The following FAM110B variants were observed in gnomAD, a reference collection of about 807,000 sequenced individuals.
FAM110B encodes the protein protein FAM110B.
In FAM110B, 6 loss-of-function variants were observed where a neutral mutation model predicts 20.4. That is an observed-to-expected ratio of 0.29 (90% CI 0.16 to 0.58). The LOEUF (loss-of-function observed/expected upper bound fraction) is 0.58. Among genes scored for constraint, FAM110B ranks in the 20% least tolerant of loss-of-function variants. The pLI is 0.90. For synonymous variants in FAM110B, 226 were observed against 214.1 expected, an observed-to-expected ratio of 1.06 and a Z score of -0.49; for missense variants, 434 against 498.2, an observed-to-expected ratio of 0.87 and a Z score of 1.23.
intron 2 of FAM110B, among the ~76,000 whole-genome samples, chr8:58,056,375 G>T (rs1805548809): frequency 6.6e-6 from 1 of 152,114 alleles, no homozygotes; most frequent in South Asian, 2.1e-4. Context: ...GCTTTCTAGT[G>T]CCATTTCAAT....
intron 2 of FAM110B, among the ~76,000 whole-genome samples, chr8:58,041,852 C>T (rs1219468140): frequency 1.3e-5 from 2 of 152,212 alleles, no homozygotes; most frequent in African/African-American, 2.4e-5. Context: ...ACTTAACTGG[C>T]AGATGGTTGA....
intron 3 of FAM110B, among the ~76,000 whole-genome samples, chr8:58,084,831 G>C (rs1246372847): frequency 3.3e-5 from 5 of 152,128 alleles, no homozygotes; most frequent in Admixed American, 3.3e-4. Context: ...GCTGCTGTCA[G>C]GTGCCAGCAG....
chr8:58,008,001 G>A (rs1044349263), intron 1 of FAM110B, among the ~76,000 whole-genome samples: 8 of 151,984 alleles, frequency 5.3e-5, no homozygotes, highest in African/African-American at 7.3e-5. Context: ...TAAATTTCTC[G>A]TGCCTAAAAT....
intron 3 of FAM110B, chr8:58,113,546 G>A (rs566536010): frequency 1.4e-4 from 26 of 180,408 alleles, no homozygotes; most frequent in South Asian, 6.4e-4. Context: ...ATCTTCCTGC[G>A]AATGTGGAAA....
intron 2 of FAM110B, chr8:58,070,176 G>T (rs542064495): frequency 1.3e-5 from 2 of 152,262 alleles, no homozygotes; most frequent in African/African-American, 2.4e-5. Flanking sequence ...CTGCTCGCCC[G>T]TGTGATAGGT....
In FAM110B at chr8:58,091,191, C is replaced by G. The variant is rs138372399; in HGVS notation, c.-325+15568C>G. ...ACAAGATGAGGGCATTTTCATACTC[C>G]TCTCTTCAGCTGGGAGTATGTTTTA... On this transcript the variant is annotated intron_variant, in intron 3 of 3. Transcript: ENST00000519262. 5.3e-4 allele frequency among the ~76,000 whole-genome samples: 81 copies of G among 152,318 alleles called. 1 individual carries two copies. Among genetic ancestry groups the G allele is most frequent in the Non-Finnish European group, 1.1e-3 (73 of 68,040 alleles).
intron 1 of FAM110B, among the ~76,000 whole-genome samples, chr8:58,012,936 G>T (rs1804568129): frequency 6.6e-6 from 1 of 152,116 alleles, no homozygotes; most frequent in South Asian, 2.1e-4. Context: ...AGCTTGGCAA[G>T]GTGAAGTGAG....
chr8:58,020,571 T>C (rs1051822279), intron 1 of FAM110B, among the ~76,000 whole-genome samples: 1 of 152,226 alleles, frequency 6.6e-6, no homozygotes, highest in Non-Finnish European at 1.5e-5. Context: ...AACAAGTCCG[T>C]GTTAGTATTT....
chr8:58,138,391 T>A (rs1051908071), intron 3 of FAM110B, among the ~76,000 whole-genome samples: 2 of 152,180 alleles, frequency 1.3e-5, no homozygotes, highest in South Asian at 2.1e-4. Flanking sequence ...TTTGTGCCTG[T>A]GGAAAGGCAG....
intron 3 of FAM110B, among the ~76,000 whole-genome samples, chr8:58,141,193 A>G (rs938058614): frequency 6.6e-6 from 1 of 152,248 alleles, no homozygotes; most frequent in Non-Finnish European, 1.5e-5. Context: ...AAAGTTAGTA[A>G]GCACAAATAC....
intron 3 of FAM110B, among the ~76,000 whole-genome samples, chr8:58,125,628 CA>C (rs1807479958): frequency 6.6e-6 from 1 of 151,984 alleles, no homozygotes; most frequent in South Asian, 2.1e-4. Context: ...ATTTTTAGGC[CA>C]AAGTTTGACC....
chr8:58,067,413 T>C (rs1805795015), intron 2 of FAM110B, among the ~76,000 whole-genome samples: 1 of 152,178 alleles, frequency 6.6e-6, no homozygotes, highest in Non-Finnish European at 1.5e-5. Context: ...TCAGGGAGCT[T>C]GAGCCAAACA....
At chr8:58,049,917 T>A (rs1362306842) in intron 2 of FAM110B, among the ~76,000 whole-genome samples, 4 of 152,202 alleles carry the variant, frequency 2.6e-5, no homozygotes, top group Non-Finnish European at 5.9e-5. Context: ...TTACAAAGGA[T>A]CCTGTATACA....
At position 58,146,636 on chromosome 8, in the gene FAM110B, G is replaced by C; in HGVS notation, c.406G>C (p.Gly136Arg). Residue 136 changes from glycine (G) to arginine (R), a missense_variant, in exon 4 of 4, where the codon GGG becomes CGG. This residue lies in a region of FAM110B where 284 missense variants were observed against 278.3 expected (regional missense o/e 1.02). Coordinates refer to ENST00000519262, the MANE Select transcript of FAM110B (RefSeq NM_001377989.1). ...NSSEGSSSGSGHKHSSRNWPP... is the reference protein window; with the variant it reads ...NSSEGSSSGSRHKHSSRNWPP... ...CTCCGAGGGCTCTAGCTCGGGCTCG[G>C]GGCACAAGCACAGCTCCCGCAACTG... 6.2e-7 allele frequency: 1 copy of C among 1,613,680 alleles called. No individual in the cohort carries two copies. The highest frequency in any genetic ancestry group is 8.5e-7 in the Non-Finnish European group (1 of 1,179,828).
In FAM110B at chr8:58,075,590, C is replaced by T. The variant is rs1231413361; in HGVS notation, c.-358C>T. Reference sequence around the variant, plus strand: ...AAGGACAGCATTCCTGTGACCTCTGCCTACCATCCATAAAATACTCATTCC... The same window carrying T: ...AAGGACAGCATTCCTGTGACCTCTGTCTACCATCCATAAAATACTCATTCC... On this transcript the variant is annotated 5_prime_UTR_variant, in exon 3 of 4. Transcript: ENST00000519262. 2 of 152,104 alleles carry T rather than the reference C, an allele frequency of 1.3e-5. No individual in the cohort carries two copies. Among genetic ancestry groups the T allele is most frequent in the Non-Finnish European group, 2.9e-5 (2 of 68,022 alleles). 9.4% of individuals were successfully genotyped at this position (152,104 alleles called of 1,614,324 possible).
chr8:58,093,790 C>A (rs1299974724), intron 3 of FAM110B, among the ~76,000 whole-genome samples: 1 of 151,828 alleles, frequency 6.6e-6, no homozygotes, highest in African/African-American at 2.4e-5. Context: ...TGAAGAAAAT[C>A]AATGGTAGCT....
At chr8:58,014,047 C>T (rs376029755) in intron 1 of FAM110B, among the ~76,000 whole-genome samples, 10 of 152,074 alleles carry the variant, frequency 6.6e-5, no homozygotes, top group African/African-American at 2.2e-4. Flanking sequence ...TTTTGTCATC[C>T]GTTCTCTCTG....
chr8:58,141,782 A>G (rs1370137677), intron 3 of FAM110B, among the ~76,000 whole-genome samples: 1 of 152,250 alleles, frequency 6.6e-6, no homozygotes, highest in Non-Finnish European at 1.5e-5. Flanking sequence ...TGTTGCGTCA[A>G]CAATGAGCCA....
At chr8:58,049,079 C>T (rs1563350994) in intron 2 of FAM110B, among the ~76,000 whole-genome samples, 1 of 152,078 alleles carries the variant, frequency 6.6e-6, no homozygotes. Flanking sequence ...TTTAATTACT[C>T]TGCCATCTCA....
Sources: allele counts gnomAD v4.1 joint callset (sites outside exome capture counted in the v4.1 genomes callset), GRCh38; gene constraint gnomAD v4.1.1; regional missense constraint gnomAD v4.1.1; transcripts MANE v1.5; gene names NCBI Gene and HGNC (gene_info 2026-07-23, HGNC 2026-07-21).